The following FERMT2 variants were observed in gnomAD, a reference collection of about 807,000 sequenced individuals.
FERMT2 encodes FERM domain containing kindlin 2, also known as fermitin family homolog 2.
FERMT2 carries 15 observed loss-of-function variants against 82.7 expected under a neutral mutation model. That is an observed-to-expected ratio of 0.18 (90% confidence interval 0.12 to 0.28). The LOEUF (loss-of-function observed/expected upper bound fraction) is 0.28. Ranked by LOEUF, FERMT2 falls within the 10% of genes least tolerant of loss-of-function variation. The probability of loss-of-function intolerance (pLI) is 1.00; values close to 1 mark genes in which losing one functional copy is unlikely to be tolerated. For missense variants in FERMT2, 645 were observed against 809.4 expected (o/e 0.80, Z 2.46); for synonymous variants, 274 against 271.5 (o/e 1.01, Z -0.09).
chr14:52,945,025 C>T (rs958907825), intron 2 of FERMT2, among the ~76,000 whole-genome samples: 8 of 152,000 alleles, frequency 5.3e-5, no homozygotes, highest in African/African-American at 1.9e-4. Flanking sequence ...CTCAGCCTCC[C>T]GAGTAGCTGG....
chr14:52,860,550 C>T (rs769922426), intron 12 of FERMT2, 85 bp from the exon 13 acceptor site: 20 of 1,200,056 alleles, frequency 1.7e-5, no homozygotes, highest in Middle Eastern at 3.9e-4. Flanking sequence ...GATTGAATTA[C>T]GCACCCCGTA....
At chr14:52,895,200 A>G (rs749207569) in intron 3 of FERMT2, among the ~76,000 whole-genome samples, 5 of 152,234 alleles carry the variant, frequency 3.3e-5, no homozygotes, top group Non-Finnish European at 7.3e-5. Flanking sequence ...CATTAAAAAG[A>G]CGTTACTACT....
rs1264063421 is a variant in FERMT2, at chr14:52,859,670, T to G, written c.1772A>C (p.Asn591Thr). Residue 591 changes from asparagine to threonine, a missense_variant, in exon 14 of 15, where the codon AAC becomes ACC. Asn to Thr is a moderately conservative substitution (Grantham distance 65). Transcript: ENST00000341590. ...GCTGGCATCCATCCGAATCAGTCTG[T>G]TGTATGCAATTCCAATAAGTTCTTC... is the stretch of plus-strand genomic sequence containing the variant. ...KKEELIGIAY[N>T]RLIRMDASTG... 6.2e-7 allele frequency: 1 copy of G among 1,608,602 alleles called. No individual in the cohort carries two copies. Among genetic ancestry groups the G allele is most frequent in the Admixed American group, 1.7e-5 (1 of 59,360 alleles).
intron 10 of FERMT2, among the ~76,000 whole-genome samples, chr14:52,869,566 A>T (rs1885488790): frequency 6.6e-6 from 1 of 152,176 alleles, no homozygotes; most frequent in African/African-American, 2.4e-5. Context: ...ATCATAGCTC[A>T]CATCTGTGTA....
intron 2 of FERMT2, among the ~76,000 whole-genome samples, chr14:52,931,720 T>G (rs1889578483): frequency 6.6e-6 from 1 of 152,186 alleles, no homozygotes; most frequent in African/African-American, 2.4e-5. Context: ...CACATTCTCA[T>G]TTAATTCCAA....
At chr14:52,894,555 TGGCTAAA>T (rs1486769573) in intron 3 of FERMT2, among the ~76,000 whole-genome samples, 2 of 152,126 alleles carry the variant, frequency 1.3e-5, no homozygotes, top group Non-Finnish European at 2.9e-5. Context: ...CTGAACTTAC[TGGCTAAA>T]TGATAAGACG....
At chr14:52,923,509 A>G (rs968173816) in intron 2 of FERMT2, among the ~76,000 whole-genome samples, 8 of 152,130 alleles carry the variant, frequency 5.3e-5, no homozygotes, top group African/African-American at 7.2e-5. Flanking sequence ...TTTTCCATCA[A>G]TTAGGCTTCC....
At chr14:52,907,674 T>C (rs1014400866) in intron 3 of FERMT2, among the ~76,000 whole-genome samples, 2 of 152,134 alleles carry the variant, frequency 1.3e-5, no homozygotes, top group Non-Finnish European at 2.9e-5. Flanking sequence ...TAAAGTCATA[T>C]ACTGTAAACC....
chr14:52,882,057 G>A (rs546389590), intron 4 of FERMT2, among the ~76,000 whole-genome samples: 2 of 152,262 alleles, frequency 1.3e-5, no homozygotes, highest in Admixed American at 1.3e-4. Context: ...AAGTTGTGCT[G>A]TAGTCAAGTA....
At position 52,939,529 on chromosome 14, in the gene FERMT2, C is replaced by A. The variant is rs1213698362; in HGVS notation, c.157+10883G>T. Among the ~76,000 whole-genome samples the A allele has an allele frequency of 6.6e-5, 10 of 152,236 alleles. 1 individual carries two copies. The highest frequency in any genetic ancestry group is 2.2e-4 in the African/African-American group (9 of 41,556). On this transcript the variant is annotated intron_variant, in intron 2 of 14. Transcript: ENST00000341590. ...GTAATTATCATCATAGCTACATTTA[C>A]AAAAACTATTCTAAACACTTCATGT...
intron 6 of FERMT2, 146 bp downstream of exon 6, chr14:52,880,890 T>A: frequency 1.8e-6 from 1 of 550,002 alleles, no homozygotes; most frequent in Non-Finnish European, 3.2e-6. Context: ...CAAATACCTT[T>A]GCCTAAAAGT....
Position 52,950,571 on chromosome 14 carries a change from C to A in FERMT2, c.-3G>T. 1 of 1,611,950 alleles carries A rather than the reference C, an allele frequency of 6.2e-7. No homozygotes were observed. The highest frequency in any genetic ancestry group is 8.5e-7 in the Non-Finnish European group (1 of 1,179,122). ...ATCCTTATCCCGTCCAGAGCCATGG[C>A]TCCTTCCTGCGAGCGCGGAGGAAAT... is the stretch of plus-strand genomic sequence containing the variant. On this transcript the variant is annotated 5_prime_UTR_variant, in exon 2 of 15. Coordinates refer to ENST00000341590, the MANE Select transcript of FERMT2 (RefSeq NM_006832.3).
chr14:52,907,950 T>C (rs897983268), intron 3 of FERMT2, among the ~76,000 whole-genome samples: 6 of 152,182 alleles, frequency 3.9e-5, no homozygotes, highest in African/African-American at 1.4e-4. Context: ...TTGCAAAACA[T>C]ATCCAATAAA....
chr14:52,877,222 C>T (rs949086423), intron 7 of FERMT2, among the ~76,000 whole-genome samples: 1 of 152,024 alleles, frequency 6.6e-6, no homozygotes, highest in Non-Finnish European at 1.5e-5. Context: ...AATAAAGCAA[C>T]AGTATAAAAT....
At chr14:52,937,267 T>G (rs1401973716) in intron 2 of FERMT2, among the ~76,000 whole-genome samples, 1 of 152,226 alleles carries the variant, frequency 6.6e-6, no homozygotes, top group Non-Finnish European at 1.5e-5. Flanking sequence ...CACCCCAGTT[T>G]GTAGTATAGT....
intron 2 of FERMT2, among the ~76,000 whole-genome samples, chr14:52,938,428 G>A (rs1446571559): frequency 6.6e-6 from 1 of 152,128 alleles, no homozygotes; most frequent in East Asian, 1.9e-4. Context: ...ACCATATTTA[G>A]TCAATACATT....
intron 10 of FERMT2, among the ~76,000 whole-genome samples, chr14:52,868,807 T>C (rs973275837): frequency 1.3e-5 from 2 of 152,006 alleles, no homozygotes; most frequent in African/African-American, 2.4e-5. Flanking sequence ...CAACATAGTC[T>C]CAAAAAACGA....
intron 3 of FERMT2, among the ~76,000 whole-genome samples, chr14:52,896,083 G>A (rs1360232755): frequency 1.3e-5 from 2 of 152,238 alleles, no homozygotes; most frequent in African/African-American, 2.4e-5. Flanking sequence ...TAAAGTAATC[G>A]CACTATGATG....
chr14:52,888,343 G>A (rs920355170), intron 4 of FERMT2, among the ~76,000 whole-genome samples: 1 of 152,126 alleles, frequency 6.6e-6, no homozygotes, highest in African/African-American at 2.4e-5. Context: ...CTTAATCAAG[G>A]CAGCCCAGCT....
Sources: gnomAD v4.1 joint callset for allele counts (sites outside exome capture counted in the v4.1 genomes callset) on GRCh38, gnomAD v4.1.1 for gene constraint, MANE v1.5 for transcripts, NCBI Gene and HGNC (gene_info 2026-07-23, HGNC 2026-07-21) for gene names.